Variants in IQGAP2 observed in about 807,000 individuals in gnomAD.
IQGAP2 encodes the protein ras GTPase-activating-like protein IQGAP2.
IQGAP2 carries 173 observed loss-of-function variants against 201.3 expected under a neutral mutation model. That is an observed-to-expected ratio of 0.86 (90% CI 0.76 to 0.98). The LOEUF is 0.98. IQGAP2 is among the 50% of genes least tolerant of loss of function. The pLI is 0.00. For synonymous variants in IQGAP2, 675 were observed against 673.9 expected, an observed-to-expected ratio of 1.00 and a Z score of -0.03; for missense variants, 1,687 against 1,864.8, an observed-to-expected ratio of 0.90 and a Z score of 1.76.
intron 5 of IQGAP2, among the ~76,000 whole-genome samples, chr5:76,582,612 C>T (rs1275717474): frequency 2.6e-5 from 4 of 152,140 alleles, no homozygotes; most frequent in African/African-American, 9.7e-5. Context: ...TTAGCTCCTG[C>T]CTTTTAAGTT....
chr5:76,498,118 G>A (rs567354170), intron 2 of IQGAP2, among the ~76,000 whole-genome samples: 1 of 152,276 alleles, frequency 6.6e-6, no homozygotes, highest in South Asian at 2.1e-4. Flanking sequence ...AGAGCAAAAA[G>A]CCTGTGCAGT....
intron 2 of IQGAP2, among the ~76,000 whole-genome samples, chr5:76,509,617 A>G (rs2150180051): frequency 1.3e-5 from 2 of 152,200 alleles, no homozygotes; most frequent in South Asian, 2.1e-4. Flanking sequence ...GATGGCCTCA[A>G]TCTCTTGACC....
At chr5:76,576,796 A>G (rs1745500893) in intron 5 of IQGAP2, among the ~76,000 whole-genome samples, 1 of 152,126 alleles carries the variant, frequency 6.6e-6, no homozygotes, top group Non-Finnish European at 1.5e-5. Flanking sequence ...TGCCTTTGCT[A>G]TGATTTTTTT....
intron 32 of IQGAP2, among the ~76,000 whole-genome samples, chr5:76,697,340 A>AAT (rs1283293340): frequency 6.6e-5 from 10 of 152,248 alleles, no homozygotes; most frequent in African/African-American, 1.9e-4. Context: ...TTCAAAGAGG[A>AAT]ATATTCAAAA....
At chr5:76,550,331 C>T (rs1298132407) in intron 2 of IQGAP2, among the ~76,000 whole-genome samples, 1 of 149,588 alleles carries the variant, frequency 6.7e-6, no homozygotes, top group Admixed American at 6.8e-5. Context: ...CCTCCAGGCC[C>T]ATTGGGCTGG....
At chr5:76,677,503 T>C in intron 28 of IQGAP2, 153 bp downstream of exon 28, 1 of 518,918 alleles carries the variant, frequency 1.9e-6, no homozygotes, top group Non-Finnish European at 3.1e-6. Flanking sequence ...ATTCCATGAC[T>C]CTTATACATT....
intron 5 of IQGAP2, among the ~76,000 whole-genome samples, chr5:76,581,828 G>A (rs1450147143): frequency 6.6e-6 from 1 of 152,142 alleles, no homozygotes; most frequent in African/African-American, 2.4e-5. Context: ...GAAAAATTTG[G>A]TTCAGTAAAT....
chr5:76,448,888 GT>G (rs1753564846), intron 1 of IQGAP2, among the ~76,000 whole-genome samples: 1 of 152,140 alleles, frequency 6.6e-6, no homozygotes, highest in Non-Finnish European at 1.5e-5. Flanking sequence ...GCAGGTATGT[GT>G]ATTATTAGGT....
chr5:76,609,890 T>C (rs1748133113), intron 12 of IQGAP2, among the ~76,000 whole-genome samples: 1 of 150,716 alleles, frequency 6.6e-6, no homozygotes, highest in Non-Finnish European at 1.5e-5. Context: ...TCTATCTAAA[T>C]GCATTTTTTT....
At chr5:76,648,674 C>T (rs1752275285) in intron 17 of IQGAP2, among the ~76,000 whole-genome samples, 2 of 152,118 alleles carry the variant, frequency 1.3e-5, no homozygotes, top group South Asian at 4.1e-4. Flanking sequence ...AAGAACATCT[C>T]AGGAAAAAAA....
At chr5:76,465,999 G>A (rs746304867) in intron 2 of IQGAP2, among the ~76,000 whole-genome samples, 1 of 151,984 alleles carries the variant, frequency 6.6e-6, no homozygotes, top group Non-Finnish European at 1.5e-5. Flanking sequence ...ATTCCCAGCT[G>A]CCTTCTTTTT....
At chr5:76,603,853 AGAG>A (rs1231259930) in intron 11 of IQGAP2, among the ~76,000 whole-genome samples, 1 of 152,188 alleles carries the variant, frequency 6.6e-6, no homozygotes, top group African/African-American at 2.4e-5. Flanking sequence ...GAGAGGAGTG[AGAG>A]GAGAGGACAT....
chr5:76,505,498 T>G (rs1435338872), intron 2 of IQGAP2, among the ~76,000 whole-genome samples: 1 of 152,110 alleles, frequency 6.6e-6, no homozygotes, highest in East Asian at 1.9e-4. Context: ...GTAGAGAAAT[T>G]AGGGAGACAT....
chr5:76,457,190 T>C (rs1482943095), intron 1 of IQGAP2, among the ~76,000 whole-genome samples: 1 of 152,112 alleles, frequency 6.6e-6, no homozygotes, highest in Non-Finnish European at 1.5e-5. Context: ...GGCTTCACCA[T>C]GTTGCCCATG....
chr5:76,419,645 G>A (rs536045355), intron 1 of IQGAP2, among the ~76,000 whole-genome samples: 6 of 150,944 alleles, frequency 4.0e-5, no homozygotes, highest in Admixed American at 3.3e-4. Flanking sequence ...TCCTCACTAG[G>A]GTATTCTTTT....
chr5:76,520,535 T>G (rs1208780366), intron 2 of IQGAP2, among the ~76,000 whole-genome samples: 4 of 152,214 alleles, frequency 2.6e-5, no homozygotes, highest in African/African-American at 9.6e-5. Flanking sequence ...TTTAGCTATT[T>G]AAATTCCTTT....
intron 3 of IQGAP2, among the ~76,000 whole-genome samples, chr5:76,564,253 A>G (rs1744581621): frequency 6.6e-6 from 1 of 152,222 alleles, no homozygotes; most frequent in Non-Finnish European, 1.5e-5. Context: ...CACAAAATAA[A>G]TATTAGTCCA....
chr5:76,573,809 A>G (rs867452528), intron 4 of IQGAP2, among the ~76,000 whole-genome samples: 1 of 147,600 alleles, frequency 6.8e-6, no homozygotes, highest in Admixed American at 6.8e-5. Context: ...TTTTTAGTAG[A>G]GGCGAGGTTT....
At chr5:76,411,110 C>G (rs1238815068) in intron 1 of IQGAP2, among the ~76,000 whole-genome samples, 1 of 152,146 alleles carries the variant, frequency 6.6e-6, no homozygotes, top group Admixed American at 6.5e-5. Flanking sequence ...AATCAGAAAG[C>G]CTGTGACGGG....
Sources: allele counts gnomAD v4.1 joint callset (sites outside exome capture counted in the v4.1 genomes callset), GRCh38; gene constraint gnomAD v4.1.1; transcripts MANE v1.5; gene names NCBI Gene and HGNC (gene_info 2026-07-23, HGNC 2026-07-21).